Variants in RNPEP observed in about 807,000 individuals in gnomAD.
RNPEP encodes the protein aminopeptidase B.
RNPEP carries 57 observed loss-of-function variants against 70.1 expected under a neutral mutation model. The ratio of observed to expected loss-of-function variants is 0.81; its 90% CI spans 0.66 to 1.01. The LOEUF is 1.01. RNPEP is among the 50% of genes least tolerant of loss of function. The pLI is 0.00. For synonymous variants in RNPEP, 335 were observed against 357.4 expected, an observed-to-expected ratio of 0.94 and a Z score of 0.71; for missense variants, 787 against 852.4, an observed-to-expected ratio of 0.92 and a Z score of 0.96.
At position 202,000,033 on chromosome 1, in the gene RNPEP, G is replaced by T. The variant is rs574786600; in HGVS notation, c.1204+18G>T. 1 of 1,570,222 alleles carries T rather than the reference G, an allele frequency of 6.4e-7. No homozygotes were observed. The highest frequency in any genetic ancestry group is 1.1e-5 in the South Asian group (1 of 89,458). On this transcript the variant is annotated intron_variant, in intron 6 of 10. Coordinates refer to ENST00000295640, the MANE Select transcript of RNPEP (RefSeq NM_020216.4). ...TGAACCAGGTCCAGGAGGCTCCTCT[G>T]TCTGACACCCACTCCCCTCAATTGA...
intron 3 of RNPEP, among the ~76,000 whole-genome samples, chr1:201,994,107 C>T (rs990872889): frequency 3.9e-5 from 6 of 152,286 alleles, no homozygotes; most frequent in African/African-American, 1.4e-4. Context: ...ACCACCCATG[C>T]TGGTCATCAG....
At chr1:202,002,950 G>A (rs1405399811) in intron 8 of RNPEP, among the ~76,000 whole-genome samples, 2 of 152,260 alleles carry the variant, frequency 1.3e-5, no homozygotes, top group Middle Eastern at 3.4e-3. Context: ...GGTTGTGATC[G>A]GTAGGAGAAT....
At chr1:201,999,574 A>G (rs972728359) in intron 5 of RNPEP, among the ~76,000 whole-genome samples, 11 of 152,160 alleles carry the variant, frequency 7.2e-5, no homozygotes, top group Admixed American at 4.6e-4. Flanking sequence ...ATGAAATAAG[A>G]TAAAATAAAA....
chr1:201,988,580 C>T (rs1340610556), intron 1 of RNPEP, among the ~76,000 whole-genome samples: 1 of 151,076 alleles, frequency 6.6e-6, no homozygotes, highest in Non-Finnish European at 1.5e-5. Flanking sequence ...TGATGAGAAA[C>T]TACTACAGTG....
chr1:201,990,236 T>G (rs1040642546), intron 3 of RNPEP, among the ~76,000 whole-genome samples: 1 of 152,200 alleles, frequency 6.6e-6, no homozygotes, highest in Non-Finnish European at 1.5e-5. Flanking sequence ...ATCTTCCCCA[T>G]TTTCTTTTGC....
intron 4 of RNPEP, 183 bp downstream of exon 4, chr1:201,996,446 G>A (rs2102974191): frequency 1.6e-6 from 1 of 614,104 alleles, no homozygotes; most frequent in South Asian, 1.8e-5. Flanking sequence ...TGAGGAGAGG[G>A]CCTAGGAGAT....
At chr1:201,994,742 C>A (rs1341489503) in intron 3 of RNPEP, among the ~76,000 whole-genome samples, 2 of 151,734 alleles carry the variant, frequency 1.3e-5, no homozygotes, top group Non-Finnish European at 2.9e-5. Flanking sequence ...TCTTGGCTCC[C>A]CGCAACCTCT....
intron 1 of RNPEP, 113 bp from the exon 2 acceptor site, chr1:201,988,791 G>A (rs1203904424): frequency 7.7e-6 from 10 of 1,303,700 alleles, no homozygotes; most frequent in East Asian, 2.4e-5. Flanking sequence ...ACTGGCTGGC[G>A]GAAAGGTTTT....
intron 3 of RNPEP, among the ~76,000 whole-genome samples, chr1:201,994,451 T>C (rs1683466908): frequency 6.6e-6 from 1 of 152,038 alleles, no homozygotes; most frequent in African/African-American, 2.4e-5. Flanking sequence ...CTCATTGCAA[T>C]CTGATCCTGT....
rs771625151 is a variant in RNPEP at position 202,004,322 on chromosome 1, C to T, written c.1652-32C>T. On this transcript the variant is annotated intron_variant, in intron 9 of 10. Coordinates refer to ENST00000295640, the MANE Select transcript of RNPEP (RefSeq NM_020216.4). ...GTATTACAGGTGTGACCCACCGTGACCAGCCACAAACCATTTCTTTCTCTT... is the reference window on the plus strand; with the variant it reads ...GTATTACAGGTGTGACCCACCGTGATCAGCCACAAACCATTTCTTTCTCTT... 4.1e-5 allele frequency: 66 copies of T among 1,612,668 alleles called. No homozygotes were observed. In the East Asian group the frequency reaches 1.4e-3, roughly 34 times the overall value.
intron 9 of RNPEP, 79 bp from the exon 10 acceptor site, chr1:202,004,275 A>T: frequency 1.3e-6 from 2 of 1,510,640 alleles, no homozygotes; most frequent in Non-Finnish European, 1.8e-6. Flanking sequence ...TGATCCGCCC[A>T]CCTCAGCCTC....
At chr1:202,005,320 C>T (rs550221753) in intron 10 of RNPEP, among the ~76,000 whole-genome samples, 29 of 152,194 alleles carry the variant, frequency 1.9e-4, no homozygotes, top group Non-Finnish European at 2.9e-4. Context: ...TGACTGTAGA[C>T]GTCCCCATGT....
In RNPEP at chr1:201,989,378, G is replaced by A. The variant is rs757117699; in HGVS notation, c.589-5G>A. ...TAAAATCTCCTAAGCTTTCTCTGTT[G>A]TCAGGTCCCAGATGGCTTCACAGCT... On this transcript the variant is annotated splice_polypyrimidine_tract_variant and splice_region_variant and intron_variant, in intron 2 of 10. Transcript: ENST00000295640. 5.1e-5 allele frequency: 82 copies of A among 1,613,324 alleles called. No homozygotes were observed. The highest frequency in any genetic ancestry group is 6.8e-5 in the Non-Finnish European group (80 of 1,179,850).
intron 3 of RNPEP, among the ~76,000 whole-genome samples, chr1:201,993,957 C>T (rs559470291): frequency 6.6e-6 from 1 of 151,642 alleles, no homozygotes; most frequent in East Asian, 1.9e-4. Context: ...TCCAGCCCCC[C>T]ACCCTTGCCA....
intron 5 of RNPEP, among the ~76,000 whole-genome samples, chr1:201,998,747 G>A (rs1683665582): frequency 6.6e-6 from 1 of 152,154 alleles, no homozygotes; most frequent in Non-Finnish European, 1.5e-5. Flanking sequence ...GAGAGGCTAA[G>A]CCACTTACTC....
At chr1:201,988,821 C>G in intron 1 of RNPEP, 83 bp from the exon 2 acceptor site, 1 of 1,487,228 alleles carries the variant, frequency 6.7e-7, no homozygotes, top group East Asian at 2.3e-5. Flanking sequence ...CTAAAATTCT[C>G]TCATTCCAGC....
Position 202,003,300 on chromosome 1 carries a change from C to G in RNPEP, c.1490C>G (p.Pro497Arg). The G allele has an allele frequency of 6.2e-7, 1 of 1,614,160 alleles. No individual in the cohort carries two copies. Among genetic ancestry groups the G allele is most frequent in the Non-Finnish European group, 8.5e-7 (1 of 1,180,036 alleles). Residue 497 changes from proline to arginine, a missense_variant, in exon 9 of 11, where the codon CCT (proline) becomes CGT (arginine). By Grantham distance (103) the Pro-to-Arg change is moderately radical. Coordinates refer to ENST00000295640, the MANE Select transcript of RNPEP (RefSeq NM_020216.4). ...CCCCCGTACCTCCCTGATCTCTCCC[C>G]TGGGGACTCACTCATGAAGCCTGCT... ...GWPPYLPDLS[P>R]GDSLMKPAEE... is the part of the protein sequence containing the mutation.
In RNPEP at chr1:201,999,216, C is replaced by CAA. The variant is rs57370049; in HGVS notation, c.1091-671_1091-670dup. Reference sequence around the variant, plus strand: ...TGGGCAACAGAGCGAGACTCTGTCTCAAAAAAAAAAAAAAAATCAAATCAT... The same window carrying CAA: ...TGGGCAACAGAGCGAGACTCTGTCTCAAAAAAAAAAAAAAAAAATCAAATCAT... On this transcript the variant is annotated intron_variant, in intron 5 of 10. Transcript: ENST00000295640. 5.9e-3 allele frequency among the ~76,000 whole-genome samples: 698 copies of CAA among 117,668 alleles called. 3 individuals are homozygous for CAA. The highest frequency in any genetic ancestry group is 8.2e-3 in the Non-Finnish European group (447 of 54,730). The allele number at this position is 117,668 out of a possible 152,430, so 77.2% of individuals were successfully genotyped here.
chr1:201,983,663 A>G (rs1683023112), intron 1 of RNPEP: 1 of 1,172,210 alleles, frequency 8.5e-7, no homozygotes, highest in African/African-American at 1.6e-5. Flanking sequence ...GAAGTCCTGG[A>G]TTTGATTAAC....
Sources: allele counts gnomAD v4.1 joint callset (sites outside exome capture counted in the v4.1 genomes callset), GRCh38; gene constraint gnomAD v4.1.1; transcripts MANE v1.5; gene names NCBI Gene and HGNC (gene_info 2026-07-23, HGNC 2026-07-21).